GGCX: variants seen among roughly 807,000 people sequenced by gnomAD.
The protein encoded by GGCX is gamma-glutamyl carboxylase, also known as vitamin K-dependent gamma-carboxylase.
A neutral mutation model predicts 88.5 loss-of-function variants in GGCX; 63 were observed. The ratio of observed to expected loss-of-function variants is 0.71; its 90% CI spans 0.58 to 0.88. The LOEUF is 0.88. Among genes scored for constraint, GGCX ranks in the 40% least tolerant of loss-of-function variants. The probability of loss-of-function intolerance (pLI) is 0.00; values close to 1 mark genes in which losing one functional copy is unlikely to be tolerated. For synonymous variants in GGCX, 368 were observed against 365.8 expected (o/e 1.01, Z -0.07); for missense variants, 805 against 932.9 (o/e 0.86, Z 1.79).
rs376920829 is a variant in GGCX at position 85,550,580 on chromosome 2, G to A, written c.2059C>T (p.Arg687Ter). The A allele has an allele frequency of 6.8e-6, 11 of 1,613,666 alleles. No individual in the cohort carries two copies. Among genetic ancestry groups the A allele is most frequent in the African/African-American group, 2.7e-5 (2 of 74,908 alleles). The change falls in exon 14 of 15, where the codon CGA becomes TGA. Residue 687 changes from arginine to a stop codon, truncating the protein, a stop_gained. Coordinates refer to ENST00000233838, the MANE Select transcript of GGCX (RefSeq NM_000821.7). LOFTEE classifies it high-confidence loss of function. The part of the protein sequence containing the change: ...FHERFFRFLL[R>*]KLYVFRRSFL... The stretch of plus-strand genomic sequence containing the variant: ...CTGCGGCGAAAGACATAGAGCTTTC[G>A]CAACAAGAAGCGGAAGAATCGCTCA...
chr2:85,547,136 A>T lies in GGCX; in HGVS notation c.*2798T>A. 1 of 152,292 alleles carries T rather than the reference A, an allele frequency of 6.6e-6. No homozygotes were observed. The highest frequency in any genetic ancestry group is 1.9e-4 in the East Asian group (1 of 5,200). 9.4% of individuals were successfully genotyped at this position (152,292 alleles called of 1,614,324 possible). A position where few individuals can be genotyped will look rare whatever the true frequency, so the allele number is the denominator to read the frequency against. Reference sequence around the variant, plus strand: ...GGGAGCAGAGGGAAAGCATAACAGCAGGGGATGATAAGGGTGATTATAGTT... The same window carrying T: ...GGGAGCAGAGGGAAAGCATAACAGCTGGGGATGATAAGGGTGATTATAGTT... On this transcript the variant is annotated 3_prime_UTR_variant, in exon 15 of 15. Transcript: ENST00000233838.
intron 9 of GGCX, 55 bp from the exon 10 acceptor site, chr2:85,552,622 G>A (rs1238794167): frequency 8.0e-6 from 12 of 1,497,932 alleles, no homozygotes; most frequent in South Asian, 7.9e-5. Flanking sequence ...TCCAAGACAT[G>A]TCATGCACTG....
intron 6 of GGCX, 137 bp downstream of exon 6, chr2:85,555,347 G>T: frequency 1.5e-6 from 1 of 661,478 alleles, no homozygotes; most frequent in Non-Finnish European, 2.8e-6. Flanking sequence ...TGCTTCTGCT[G>T]AATAGGGAAA....
rs1692116368 is a variant in GGCX at position 85,554,455 on chromosome 2, T to C, written c.726-149A>G. 3 of 451,756 alleles carry C rather than the reference T, an allele frequency of 6.6e-6. No individual in the cohort carries two copies. In the South Asian group the frequency reaches 6.7e-5, roughly 10 times the overall value. The allele number at this position is 451,756 out of a possible 1,614,324, so 28.0% of individuals were successfully genotyped here. On this transcript the variant is annotated intron_variant, in intron 6 of 14. Coordinates refer to ENST00000233838, the MANE Select transcript of GGCX (RefSeq NM_000821.7). ...CCATGAAGACACTCCTCTAGGTTGT[T>C]TGTTGTTGTTGTTGTTGTTGTTGTT...
At chr2:85,550,237 T>C in intron 14 of GGCX, 111 bp from the exon 15 acceptor site, 1 of 787,628 alleles carries the variant, frequency 1.3e-6, no homozygotes, top group Non-Finnish European at 2.2e-6. Context: ...CAGGCATATA[T>C]GGGAATCTCC....
chr2:85,553,638 C>T (rs1340996313), intron 7 of GGCX, 141 bp from the exon 8 acceptor site: 6 of 816,380 alleles, frequency 7.3e-6, no homozygotes, highest in East Asian at 5.3e-5. Flanking sequence ...CTTTCTCTGT[C>T]GCCCAGGCTG....
chr2:85,551,010 G>A lies in GGCX; in HGVS notation c.1803C>T (p.Tyr601=), dbSNP rs370454220. Residue 601 remains tyrosine, a synonymous_variant, in exon 13 of 15, where the codon TAC becomes TAT. Transcript: ENST00000233838. The part of the protein sequence containing the change: ...TTSPSPSCYM[Y]VYVNTTELAL... Reference sequence around the variant, plus strand: ...CAAGCTCTGTAGTGTTGACATAGACGTACATGTAGCAAGAAGGGCTAGGTG... The same window carrying A: ...CAAGCTCTGTAGTGTTGACATAGACATACATGTAGCAAGAAGGGCTAGGTG... 40 of 1,612,980 alleles carry A rather than the reference G, an allele frequency of 2.5e-5. No individual in the cohort carries two copies. The highest frequency in any genetic ancestry group is 9.3e-5 in the African/African-American group (7 of 74,896).
intron 9 of GGCX, 59 bp from the exon 10 acceptor site, chr2:85,552,626 T>C: frequency 6.8e-7 from 1 of 1,468,562 alleles, no homozygotes; most frequent in African/African-American, 1.4e-5. Flanking sequence ...AGACATGTCA[T>C]GCACTGCCAA....
Position 85,553,079 on chromosome 2 carries a change from G to C in GGCX, c.1156-9C>G, listed in dbSNP as rs750797416. On this transcript the variant is annotated splice_polypyrimidine_tract_variant and intron_variant, in intron 8 of 14. Transcript: ENST00000233838. ...GTCCAGTTGTTATAGCCCTGGGAAGGCAGCACAGAGGGGAATCAGCTCAAT... is the reference window on the plus strand; with the variant it reads ...GTCCAGTTGTTATAGCCCTGGGAAGCCAGCACAGAGGGGAATCAGCTCAAT... 6.2e-6 allele frequency: 10 copies of C among 1,614,200 alleles called. No individual in the cohort carries two copies. The Admixed American group carries it at 1.7e-4, about 27-fold the overall frequency.
chr2:85,550,902 A>C, intron 13 of GGCX, 23 bp downstream of exon 13: 1 of 1,613,144 alleles, frequency 6.2e-7, no homozygotes, highest in South Asian at 1.1e-5. Flanking sequence ...AGGCTATCTC[A>C]GCCCAAATGT....
chr2:85,556,614 A>G (rs1692215394), intron 4 of GGCX, among the ~76,000 whole-genome samples: 1 of 152,120 alleles, frequency 6.6e-6, no homozygotes. Context: ...GTAAATAAAT[A>G]TGCGGTGTAT....
intron 4 of GGCX, among the ~76,000 whole-genome samples, chr2:85,557,380 A>T (rs1692246785): frequency 6.6e-6 from 1 of 152,164 alleles, no homozygotes; most frequent in Admixed American, 6.5e-5. Context: ...CCAGCTACTC[A>T]GGAGGCTGAG....
chr2:85,560,732 G>A (rs1692405705), intron 2 of GGCX, 83 bp downstream of exon 2: 4 of 1,059,850 alleles, frequency 3.8e-6, no homozygotes, highest in South Asian at 1.2e-5. Context: ...GGAAAAGGGA[G>A]CTAAGTCTAC....
intron 7 of GGCX, 108 bp from the exon 8 acceptor site, chr2:85,553,605 T>A (rs188867310): frequency 2.3e-5 from 25 of 1,109,000 alleles, no homozygotes; most frequent in Middle Eastern, 2.9e-4. Flanking sequence ...GGAAAGTAGT[T>A]CTTCTTTTTT....
rs1691593514 is a variant in GGCX, at chr2:85,545,132, C to T, written c.*4802G>A. ...ACTTGGCTGGTGTGGTACAGAGAAG[C>T]CAGCTTGTTTACATGCTTATTCCAT... On this transcript the variant is annotated 3_prime_UTR_variant, in exon 15 of 15. Coordinates refer to ENST00000233838, the MANE Select transcript of GGCX (RefSeq NM_000821.7). 1 of 152,584 alleles carries T rather than the reference C, an allele frequency of 6.6e-6. No individual in the cohort carries two copies. The highest frequency in any genetic ancestry group is 6.5e-5 in the Admixed American group (1 of 15,270). The allele number at this position is 152,584 out of a possible 1,614,324, so 9.5% of individuals were successfully genotyped here. A position where few individuals can be genotyped will look rare whatever the true frequency, so the allele number is the denominator to read the frequency against.
chr2:85,549,887 G>T lies in GGCX; in HGVS notation c.*47C>A. 1.5e-6 allele frequency: 2 copies of T among 1,318,370 alleles called. No homozygotes were observed. Among genetic ancestry groups the T allele is most frequent in the Non-Finnish European group, 2.2e-6 (2 of 911,042 alleles). 81.7% of individuals were successfully genotyped at this position (1,318,370 alleles called of 1,614,324 possible). A position where few individuals can be genotyped will look rare whatever the true frequency, so the allele number is the denominator to read the frequency against. On this transcript the variant is annotated 3_prime_UTR_variant, in exon 15 of 15. Coordinates refer to ENST00000233838, the MANE Select transcript of GGCX (RefSeq NM_000821.7). ...AATAAATGTCCATTGCATAGAATGGGTCTGTGACTGGCTGCTTCTACATCT... is the reference window on the plus strand; with the variant it reads ...AATAAATGTCCATTGCATAGAATGGTTCTGTGACTGGCTGCTTCTACATCT...
intron 4 of GGCX, 67 bp downstream of exon 4, chr2:85,558,372 TG>T: frequency 1.5e-6 from 2 of 1,290,832 alleles, no homozygotes; most frequent in Non-Finnish European, 2.3e-6. Flanking sequence ...AGAACCTCAC[TG>T]GGCCCCTATC....
At chr2:85,554,747 C>G in intron 6 of GGCX, 1 of 267,702 alleles carries the variant, frequency 3.7e-6, no homozygotes, top group South Asian at 4.3e-5. Flanking sequence ...GGATTACAGG[C>G]ATGAGCCACC....
At chr2:85,554,486 A>G (rs1692119695) in intron 6 of GGCX, 180 bp from the exon 7 acceptor site, 3 of 448,686 alleles carry the variant, frequency 6.7e-6, no homozygotes, top group Non-Finnish European at 1.2e-5. Flanking sequence ...TTGTTGTTGA[A>G]ACGAAGTTTC....
Sources: gnomAD v4.1 joint callset for allele counts (sites outside exome capture counted in the v4.1 genomes callset) on GRCh38, gnomAD v4.1.1 for gene constraint, MANE v1.5 for transcripts, NCBI Gene and HGNC (gene_info 2026-07-23, HGNC 2026-07-21) for gene names.